The following MLLT10 variants were observed in gnomAD, a reference collection of about 807,000 sequenced individuals.
The protein encoded by MLLT10 is MLLT10 histone lysine methyltransferase DOT1L cofactor, also known as protein AF-10.
In MLLT10, 30 loss-of-function variants were observed where a neutral mutation model predicts 129.1. The ratio of observed to expected loss-of-function variants is 0.23; its 90% CI spans 0.17 to 0.32. MLLT10 has a LOEUF of 0.32. Ranked by LOEUF, MLLT10 falls within the 10% of genes least tolerant of loss-of-function variation. The probability of loss-of-function intolerance (pLI) is 1.00; values close to 1 mark genes in which losing one functional copy is unlikely to be tolerated. For synonymous variants in MLLT10, 490 were observed against 446.4 expected, an observed-to-expected ratio of 1.10 and a Z score of -1.23; for missense variants, 1,119 against 1,268.3, an observed-to-expected ratio of 0.88 and a Z score of 1.79.
intron 8 of MLLT10, among the ~76,000 whole-genome samples, chr10:21,640,219 A>ATAT: frequency 7.4e-6 from 1 of 135,682 alleles, no homozygotes; most frequent in East Asian, 2.0e-4. Flanking sequence ...ATATTATATT[A>ATAT]TATATTATAT....
chr10:21,558,358 A>G (rs947993906), intron 3 of MLLT10, among the ~76,000 whole-genome samples: 2 of 152,062 alleles, frequency 1.3e-5, no homozygotes, highest in African/African-American at 2.4e-5. Context: ...CTAAAATAAC[A>G]TAAACTCCTA....
intron 3 of MLLT10, chr10:21,556,542 A>G: frequency 2.4e-6 from 2 of 826,038 alleles, no homozygotes; most frequent in Non-Finnish European, 3.7e-6. Context: ...TCTTCCATTT[A>G]CCCTCTCTAG....
rs1564702145 is a variant in MLLT10 at position 21,713,963 on chromosome 10, AC to A, written c.1878+14del. On this transcript the variant is annotated intron_variant, in intron 14 of 22. Transcript: ENST00000307729. Reference sequence around the variant, plus strand: ...TGCTACAACTCAGGTAAGTTGTTACACTATCATGTGACAGGTAATAGGTGGG... The same window carrying A: ...TGCTACAACTCAGGTAAGTTGTTACATATCATGTGACAGGTAATAGGTGGG... 1 of 1,599,832 alleles carries A rather than the reference AC, an allele frequency of 6.3e-7. No homozygotes were observed. The highest frequency in any genetic ancestry group is 1.1e-5 in the South Asian group (1 of 88,184).
At chr10:21,662,348 T>C (rs972589153) in intron 9 of MLLT10, among the ~76,000 whole-genome samples, 20 of 152,180 alleles carry the variant, frequency 1.3e-4, no homozygotes, top group African/African-American at 3.9e-4. Flanking sequence ...ATTTTAACTA[T>C]GTCATGTGTT....
intron 3 of MLLT10, among the ~76,000 whole-genome samples, chr10:21,550,493 C>G (rs747156374): frequency 6.6e-6 from 1 of 152,118 alleles, no homozygotes; most frequent in Admixed American, 6.6e-5. Flanking sequence ...CTGATAGCTT[C>G]GTTAACTGCC....
intron 3 of MLLT10, among the ~76,000 whole-genome samples, chr10:21,577,090 T>C (rs576620945): frequency 4.9e-4 from 74 of 152,358 alleles, no homozygotes; most frequent in Non-Finnish European, 8.7e-4. Flanking sequence ...TCTCTATCCC[T>C]ATTTGGGACA....
intron 13 of MLLT10, among the ~76,000 whole-genome samples, chr10:21,694,366 G>A (rs937357891): frequency 3.3e-5 from 5 of 152,232 alleles, no homozygotes; most frequent in African/African-American, 1.2e-4. Context: ...TTGGGGGGCA[G>A]GAATTTTATA....
rs187802635 is a variant in MLLT10, at chr10:21,597,165, T to C, written c.405+1725T>C. Among the ~76,000 whole-genome samples, 19 of 152,258 alleles carry C rather than the reference T, an allele frequency of 1.2e-4. 1 individual carries two copies. The highest frequency in any genetic ancestry group is 1.1e-3 in the Admixed American group (17 of 15,284). Reference sequence around the variant, plus strand: ...ACCATTTGAGAGTAACTTACCAATATAATATGCTGTCACCCCTGAATACTT... The same window carrying C: ...ACCATTTGAGAGTAACTTACCAATACAATATGCTGTCACCCCTGAATACTT... On this transcript the variant is annotated intron_variant, in intron 5 of 22. Transcript: ENST00000307729.
intron 11 of MLLT10, among the ~76,000 whole-genome samples, chr10:21,677,915 C>G (rs780885044): frequency 6.6e-6 from 1 of 152,118 alleles, no homozygotes; most frequent in Non-Finnish European, 1.5e-5. Context: ...CCACTGTATC[C>G]CCACTGCCAG....
Position 21,740,188 on chromosome 10 carries a change from C to A in MLLT10, c.3114C>A (p.Thr1038=). 2 of 1,614,172 alleles carry A rather than the reference C, an allele frequency of 1.2e-6. No homozygotes were observed. The highest frequency in any genetic ancestry group is 2.2e-5 in the South Asian group (2 of 91,084). ...TQAPPLHTAT[T]NPFLTIHGDN... is the part of the protein sequence containing the mutation. ...CACCCCCACTTCACACAGCTACCAC[C>A]AACCCATTTCTCACCATCCATGGAG... The change falls in exon 22 of 23, where the codon ACC becomes ACA. Residue 1038 remains threonine, a synonymous_variant. Transcript: ENST00000307729.
At chr10:21,538,994 G>A in intron 3 of MLLT10, 82 bp downstream of exon 3, 1 of 943,012 alleles carries the variant, frequency 1.1e-6, no homozygotes, top group South Asian at 1.6e-5. Flanking sequence ...TGGTTTGTGG[G>A]GTTGTCAGTC....
At position 21,558,612 on chromosome 10, in the gene MLLT10, C is replaced by T. The variant is rs530570302; in HGVS notation, c.240+19700C>T. On this transcript the variant is annotated intron_variant, in intron 3 of 22. Coordinates refer to ENST00000307729, the MANE Select transcript of MLLT10 (RefSeq NM_001195626.3). ...TGTTGCCCAGGCTGGTCTTGAACTC[C>T]TGGCCTCACGCAGTCCTCCCTCCTT... 2.6e-5 allele frequency among the ~76,000 whole-genome samples: 4 copies of T among 151,574 alleles called. No homozygotes were observed. In the East Asian group the frequency reaches 5.9e-4, roughly 22 times the overall value.
At chr10:21,671,515 C>T (rs1257229007) in intron 10 of MLLT10, among the ~76,000 whole-genome samples, 1 of 152,074 alleles carries the variant, frequency 6.6e-6, no homozygotes, top group Non-Finnish European at 1.5e-5. Context: ...GAACTGGGCA[C>T]AGTGGCTCAT....
At chr10:21,625,040 C>T in intron 8 of MLLT10, 2 of 903,978 alleles carry the variant, frequency 2.2e-6, no homozygotes, top group Admixed American at 2.1e-5. Flanking sequence ...TCTTCGTAAC[C>T]TCCTTGATAG....
intron 15 of MLLT10, among the ~76,000 whole-genome samples, chr10:21,727,265 G>C (rs1206953331): frequency 6.6e-6 from 1 of 152,098 alleles, no homozygotes; most frequent in Non-Finnish European, 1.5e-5. Context: ...TATTACCTAA[G>C]GAATATTTTG....
intron 4 of MLLT10, among the ~76,000 whole-genome samples, chr10:21,594,778 G>C (rs1370703068): frequency 6.6e-6 from 1 of 150,632 alleles, no homozygotes; most frequent in Non-Finnish European, 1.5e-5. Flanking sequence ...AGGTTGCGGT[G>C]AGCCGAGATC....
chr10:21,740,604 C>G (rs2058748192), intron 22 of MLLT10, among the ~76,000 whole-genome samples: 1 of 152,122 alleles, frequency 6.6e-6, no homozygotes, highest in South Asian at 2.1e-4. Context: ...GTGCTTTTTA[C>G]ACATTAAGTA....
At chr10:21,690,295 A>G (rs2053728803) in intron 13 of MLLT10, among the ~76,000 whole-genome samples, 1 of 152,112 alleles carries the variant, frequency 6.6e-6, no homozygotes, top group African/African-American at 2.4e-5. Context: ...TTAAGTTTGA[A>G]GGAAGACAGA....
Position 21,742,459 on chromosome 10 carries a change from T to C in MLLT10, c.*476T>C, listed in dbSNP as rs935990928. Reference sequence around the variant, plus strand: ...CAAATTCCAAGGAACTAATTTCTTCTCCTGGAGTTGCATTGATTCAGTATT... The same window carrying C: ...CAAATTCCAAGGAACTAATTTCTTCCCCTGGAGTTGCATTGATTCAGTATT... On this transcript the variant is annotated 3_prime_UTR_variant, in exon 23 of 23. Transcript: ENST00000307729. The C allele has an allele frequency of 1.0e-4, 22 of 217,064 alleles. No individual in the cohort carries two copies. The highest frequency in any genetic ancestry group is 9.2e-6 in the Non-Finnish European group (1 of 108,120). 13.4% of individuals were successfully genotyped at this position (217,064 alleles called of 1,614,324 possible). A position where few individuals can be genotyped will look rare whatever the true frequency, so the allele number is the denominator to read the frequency against.
Sources: gnomAD v4.1 joint callset for allele counts (sites outside exome capture counted in the v4.1 genomes callset) on GRCh38, gnomAD v4.1.1 for gene constraint, MANE v1.5 for transcripts, NCBI Gene and HGNC (gene_info 2026-07-23, HGNC 2026-07-21) for gene names.